The following ACOXL variants were observed in gnomAD, a reference collection of about 807,000 sequenced individuals.
The protein encoded by ACOXL is acyl-coenzyme A oxidase-like protein.
Under a neutral mutation model 71.9 loss-of-function variants are expected in ACOXL, and 70 were observed. That is an observed-to-expected ratio of 0.97 (90% confidence interval 0.80 to 1.19). The LOEUF is 1.19. Ranked by LOEUF, ACOXL falls within the 50% of genes most tolerant of loss-of-function variation. The pLI, the probability that ACOXL is intolerant of heterozygous loss-of-function variation, is 0.00. For missense variants in ACOXL, 703 were observed against 736.3 expected, an observed-to-expected ratio of 0.95 and a Z score of 0.52; for synonymous variants, 253 against 281.6, an observed-to-expected ratio of 0.90 and a Z score of 1.02.
intron 1 of ACOXL, among the ~76,000 whole-genome samples, chr2:110,759,299 G>A (rs2104887326): frequency 6.6e-6 from 1 of 152,296 alleles, no homozygotes; most frequent in South Asian, 2.1e-4. Flanking sequence ...CAGTATTATT[G>A]TGTGAGAGTC....
Position 110,933,630 on chromosome 2 carries a change from C to T in ACOXL, c.1047C>T (p.Cys349=), listed in dbSNP as rs996278427. ...GCTGCCTGCAGGACTGCCGCGAGTG[C>T]ACTGGAGGCATGGTGAGCCCCAAGG... ...NIRCLQDCRE[C]TGGMVVGREL... Residue 349 remains cysteine (C), a synonymous_variant, in exon 12 of 18, where the codon TGC becomes TGT. Coordinates refer to ENST00000439055, the MANE Select transcript of ACOXL (RefSeq NM_001142807.4). 8 of 1,611,122 alleles carry T rather than the reference C, an allele frequency of 5.0e-6. No homozygotes were observed. Among genetic ancestry groups the T allele is most frequent in the Non-Finnish European group, 5.9e-6 (7 of 1,179,098 alleles).
chr2:111,013,082 G>C (rs552301938), intron 14 of ACOXL, among the ~76,000 whole-genome samples: 2 of 152,086 alleles, frequency 1.3e-5, no homozygotes, highest in Non-Finnish European at 2.9e-5. Flanking sequence ...AATTAACAAC[G>C]TCAAGAATGA....
At chr2:110,873,541 C>G (rs533108264) in intron 10 of ACOXL, among the ~76,000 whole-genome samples, 1 of 152,152 alleles carries the variant, frequency 6.6e-6, no homozygotes, top group Non-Finnish European at 1.5e-5. Context: ...TTATTCCTGT[C>G]TCTCTTTTGG....
intron 12 of ACOXL, among the ~76,000 whole-genome samples, chr2:110,979,267 A>C (rs2062599391): frequency 6.6e-6 from 1 of 152,148 alleles, no homozygotes; most frequent in South Asian, 2.1e-4. Flanking sequence ...TGGTGACCCC[A>C]CAGCTGGGGC....
intron 14 of ACOXL, among the ~76,000 whole-genome samples, chr2:111,000,730 A>G (rs2063586169): frequency 6.6e-6 from 1 of 152,074 alleles, no homozygotes; most frequent in Non-Finnish European, 1.5e-5. Context: ...TGACATACCC[A>G]TGATATCTCC....
chr2:110,831,713 A>C (rs1244693104), intron 9 of ACOXL, among the ~76,000 whole-genome samples: 1 of 152,200 alleles, frequency 6.6e-6, no homozygotes, highest in Non-Finnish European at 1.5e-5. Flanking sequence ...ACTGTGTGGT[A>C]CTGGCAGGAA....
At chr2:111,087,322 CA>C (rs1307411537) in intron 16 of ACOXL, among the ~76,000 whole-genome samples, 1 of 151,864 alleles carries the variant, frequency 6.6e-6, no homozygotes, top group Admixed American at 6.6e-5. Flanking sequence ...CATATAGAAC[CA>C]AAAAAGAGTC....
chr2:110,755,173 T>C (rs925623254), intron 1 of ACOXL, among the ~76,000 whole-genome samples: 1 of 152,134 alleles, frequency 6.6e-6, no homozygotes, highest in Non-Finnish European at 1.5e-5. Flanking sequence ...AGGCCCTCCC[T>C]AGACCTCATC....
At chr2:110,859,454 CACAG>C (rs1345840902) in intron 10 of ACOXL, among the ~76,000 whole-genome samples, 1 of 152,134 alleles carries the variant, frequency 6.6e-6, no homozygotes, top group Non-Finnish European at 1.5e-5. Flanking sequence ...CAAAAGAAAA[CACAG>C]ACAATCTATT....
At chr2:110,980,872 C>G (rs965056304) in intron 12 of ACOXL, among the ~76,000 whole-genome samples, 5 of 152,214 alleles carry the variant, frequency 3.3e-5, no homozygotes, top group Non-Finnish European at 7.3e-5. Context: ...GAATTTATGT[C>G]AAGTGTGAGT....
chr2:110,844,016 C>G (rs1415899490), intron 10 of ACOXL, among the ~76,000 whole-genome samples: 1 of 152,198 alleles, frequency 6.6e-6, no homozygotes, highest in Non-Finnish European at 1.5e-5. Flanking sequence ...CCCAGTGAAG[C>G]CGGTATTCAC....
chr2:110,958,708 G>A (rs986875177), intron 12 of ACOXL, among the ~76,000 whole-genome samples: 2 of 152,346 alleles, frequency 1.3e-5, no homozygotes, highest in Admixed American at 1.3e-4. Context: ...AGTGGGAGTG[G>A]AGAGCATGAA....
At chr2:110,739,788 A>G (rs1364268787) in intron 1 of ACOXL, among the ~76,000 whole-genome samples, 1 of 152,210 alleles carries the variant, frequency 6.6e-6, no homozygotes, top group African/African-American at 2.4e-5. Context: ...TCAGCCCTGT[A>G]GACTTAGCAT....
chr2:111,097,308 C>G (rs934317495), intron 17 of ACOXL, among the ~76,000 whole-genome samples: 1 of 152,108 alleles, frequency 6.6e-6, no homozygotes, highest in African/African-American at 2.4e-5. Flanking sequence ...CACAACAACC[C>G]GGTGAAAAAT....
chr2:110,946,618 T>C (rs323646), intron 12 of ACOXL, among the ~76,000 whole-genome samples: 144,460 of 152,272 alleles, frequency 0.95, 68,990 homozygotes, highest in East Asian at 1. Context: ...CAGAAAATAG[T>C]AGAGTCCTCC....
At chr2:110,849,049 C>T (rs538581415) in intron 10 of ACOXL, among the ~76,000 whole-genome samples, 7 of 152,352 alleles carry the variant, frequency 4.6e-5, no homozygotes, top group African/African-American at 1.4e-4. Flanking sequence ...CCTCCAACAG[C>T]CCCCCTTTAT....
intron 15 of ACOXL, among the ~76,000 whole-genome samples, chr2:111,036,280 G>T (rs1188726409): frequency 1.3e-5 from 2 of 152,164 alleles, no homozygotes; most frequent in Non-Finnish European, 2.9e-5. Flanking sequence ...CTGCTGGTGT[G>T]TCTAACTTTA....
chr2:110,877,042 G>T (rs906802491), intron 10 of ACOXL, among the ~76,000 whole-genome samples: 6 of 152,222 alleles, frequency 3.9e-5, no homozygotes, highest in African/African-American at 1.2e-4. Flanking sequence ...GCCTGGTGGT[G>T]GCCCTGTTGC....
intron 9 of ACOXL, among the ~76,000 whole-genome samples, chr2:110,836,227 T>C (rs1382840155): frequency 6.6e-6 from 1 of 152,134 alleles, no homozygotes; most frequent in Non-Finnish European, 1.5e-5. Flanking sequence ...TGTGCTGGTC[T>C]TGCTTGTTAT....
Sources: gnomAD v4.1 joint callset for allele counts (sites outside exome capture counted in the v4.1 genomes callset) on GRCh38, gnomAD v4.1.1 for gene constraint, MANE v1.5 for transcripts, NCBI Gene and HGNC (gene_info 2026-07-23, HGNC 2026-07-21) for gene names.